EML6: variants seen among roughly 807,000 people sequenced by gnomAD.
EML6 encodes the protein EMAP like 6, also known as echinoderm microtubule-associated protein-like 6.
Under a neutral mutation model 240.1 loss-of-function variants are expected in EML6, and 154 were observed. The observed-to-expected ratio is 0.64, with a 90% confidence interval of 0.56 to 0.73. EML6 has a LOEUF of 0.73. Ranked by LOEUF, EML6 falls within the 30% of genes least tolerant of loss-of-function variation. The pLI, the probability that EML6 is intolerant of heterozygous loss-of-function variation, is 0.00. For synonymous variants in EML6, 1,148 were observed against 899.0 expected, an observed-to-expected ratio of 1.28 and a Z score of -4.95; for missense variants, 2,964 against 2,474.6, an observed-to-expected ratio of 1.20 and a Z score of -4.20.
At chr2:54,829,996 A>G (rs1668787792) in intron 7 of EML6, among the ~76,000 whole-genome samples, 1 of 152,208 alleles carries the variant, frequency 6.6e-6, no homozygotes, top group Non-Finnish European at 1.5e-5. Context: ...CATCTATAAA[A>G]TGGAGATAAT....
intron 2 of EML6, among the ~76,000 whole-genome samples, chr2:54,745,133 A>T (rs1016803767): frequency 3.3e-5 from 5 of 152,196 alleles, no homozygotes; most frequent in African/African-American, 1.2e-4. Flanking sequence ...GAGGTCTAGG[A>T]AGACTGTCCT....
intron 7 of EML6, among the ~76,000 whole-genome samples, chr2:54,832,845 C>G (rs60914665): frequency 0.023 from 3,540 of 151,954 alleles, 135 homozygotes; most frequent in African/African-American, 0.074. Context: ...GGAACAGATT[C>G]AGGCAGAGCA....
At chr2:54,918,784 C>T (rs560080328) in intron 26 of EML6, among the ~76,000 whole-genome samples, 15 of 152,206 alleles carry the variant, frequency 9.9e-5, no homozygotes, top group Non-Finnish European at 2.2e-4. Context: ...TGCCTAAAGA[C>T]AAGTGGATAG....
chr2:54,875,537 T>C (rs1004682553), intron 16 of EML6, among the ~76,000 whole-genome samples: 2 of 152,204 alleles, frequency 1.3e-5, no homozygotes, highest in Non-Finnish European at 2.9e-5. Flanking sequence ...CCTGGAAATA[T>C]AAAGCAGGCA....
At chr2:54,861,608 C>T (rs537840431) in intron 12 of EML6, among the ~76,000 whole-genome samples, 17 of 152,204 alleles carry the variant, frequency 1.1e-4, no homozygotes, top group African/African-American at 4.1e-4. Flanking sequence ...TCTTGCGGTA[C>T]CAACAGGACA....
rs60901075 is a variant in EML6 at position 54,911,263 on chromosome 2, A to G, written c.3498+221A>G. 5.3e-3 allele frequency among the ~76,000 whole-genome samples: 810 copies of G among 152,322 alleles called. 8 individuals carry two copies. The highest frequency in any genetic ancestry group is 0.018 in the African/African-American group (764 of 41,582). On this transcript the variant is annotated intron_variant, in intron 25 of 41. Transcript: ENST00000356458. ...GCAATGTACAGTTGGTGCTCTGCTTAATTTTTCTCTGCCTGAAGACAATGA... is the reference window on the plus strand; with the variant it reads ...GCAATGTACAGTTGGTGCTCTGCTTGATTTTTCTCTGCCTGAAGACAATGA...
chr2:54,859,537 C>A lies in EML6; in HGVS notation c.1661C>A (p.Ala554Asp). 1 of 1,547,976 alleles carries A rather than the reference C, an allele frequency of 6.5e-7. No homozygotes were observed. The highest frequency in any genetic ancestry group is 8.7e-7 in the Non-Finnish European group (1 of 1,146,016). The change falls in exon 12 of 42, where the codon GCC becomes GAC. Residue 554 changes from alanine (A) to aspartate (D), a missense_variant. By Grantham distance (126) the Ala-to-Asp change is moderately radical (BLOSUM62 -2). Coordinates refer to ENST00000356458, the MANE Select transcript of EML6 (RefSeq NM_001039753.4). ...LFKFPCLKRG[A>D]KFRKYVGHSA... ...CTCTCAAAAAATATTCTTTCAGGAG[C>A]CAAATTTAGAAAGTATGTGGGCCAT...
At chr2:54,960,136 C>T (rs1343681246) in intron 34 of EML6, 84 bp from the exon 35 acceptor site, 4 of 1,026,804 alleles carry the variant, frequency 3.9e-6, no homozygotes, top group South Asian at 1.4e-5. Context: ...ACCCTGATGA[C>T]TGGGAAAGAG....
At position 54,970,184 on chromosome 2, in the gene EML6, G is replaced by C. The variant is rs781020022; in HGVS notation, c.*89G>C. 6 of 1,286,462 alleles carry C rather than the reference G, an allele frequency of 4.7e-6. No homozygotes were observed. The East Asian group carries it at 1.5e-4, about 32-fold the overall frequency. The allele number at this position is 1,286,462 out of a possible 1,614,324, so 79.7% of individuals were successfully genotyped here. On this transcript the variant is annotated 3_prime_UTR_variant, in exon 42 of 42. Coordinates refer to ENST00000356458, the MANE Select transcript of EML6 (RefSeq NM_001039753.4). ...CTGAGGTGCCTCCTTGCCACCAGCC[G>C]TTGGGAAATGCCTACCATGCTGCCC...
intron 28 of EML6, among the ~76,000 whole-genome samples, chr2:54,937,001 C>G (rs894362102): frequency 7.0e-6 from 1 of 142,520 alleles, no homozygotes; most frequent in African/African-American, 2.6e-5. Flanking sequence ...AAGTCTGGGC[C>G]GGGCACAGTG....
chr2:54,801,217 G>A (rs1284800840), intron 2 of EML6, among the ~76,000 whole-genome samples: 1 of 151,954 alleles, frequency 6.6e-6, no homozygotes, highest in African/African-American at 2.4e-5. Context: ...ATCCTCGGGA[G>A]GCTGGGGCAG....
At chr2:54,851,811 C>G (rs1670105776) in intron 10 of EML6, among the ~76,000 whole-genome samples, 1 of 152,180 alleles carries the variant, frequency 6.6e-6, no homozygotes, top group Non-Finnish European at 1.5e-5. Flanking sequence ...GTGCCTTGCA[C>G]ACACAATTCT....
At chr2:54,878,448 G>A (rs527258029) in intron 16 of EML6, among the ~76,000 whole-genome samples, 1 of 152,212 alleles carries the variant, frequency 6.6e-6, no homozygotes, top group Non-Finnish European at 1.5e-5. Flanking sequence ...AGATGGTTCT[G>A]TGTTGAATCT....
intron 5 of EML6, among the ~76,000 whole-genome samples, chr2:54,823,443 A>T (rs938404204): frequency 3.2e-4 from 39 of 121,126 alleles, no homozygotes; most frequent in Admixed American, 2.8e-4. Flanking sequence ...TCATCACCAA[A>T]GAACCTATTC....
chr2:54,804,762 A>G (rs894493537), intron 2 of EML6, among the ~76,000 whole-genome samples: 2 of 152,188 alleles, frequency 1.3e-5, no homozygotes, highest in African/African-American at 2.4e-5. Flanking sequence ...TCAAAGGAAC[A>G]CTTCTAATTT....
At chr2:54,871,130 T>G (rs1671234784) in intron 15 of EML6, among the ~76,000 whole-genome samples, 2 of 152,186 alleles carry the variant, frequency 1.3e-5, no homozygotes, top group African/African-American at 2.4e-5. Flanking sequence ...GATAGCGTCA[T>G]GACAATGTAC....
In EML6 at chr2:54,910,986, G is replaced by A. The variant is rs761628241; in HGVS notation, c.3442G>A (p.Glu1148Lys). Residue 1148 changes from glutamate (E) to lysine (K), a missense_variant, in exon 25 of 42, where the codon GAA becomes AAA. By Grantham distance (56) the Glu-to-Lys change is moderately conservative. Coordinates refer to ENST00000356458, the MANE Select transcript of EML6 (RefSeq NM_001039753.4). ...KLLQVNSGAREQLFFEAPRGK... is the reference protein window; with the variant it reads ...KLLQVNSGARKQLFFEAPRGK... ...ATTGCAAGTGAATTCAGGTGCCAGAGAACAACTTTTTTTTGAAGCTCCAAG... is the reference window on the plus strand; with the variant it reads ...ATTGCAAGTGAATTCAGGTGCCAGAAAACAACTTTTTTTTGAAGCTCCAAG... 7 of 1,538,308 alleles carry A rather than the reference G, an allele frequency of 4.6e-6. No individual in the cohort carries two copies. Among genetic ancestry groups the A allele is most frequent in the Non-Finnish European group, 6.2e-6 (7 of 1,137,572 alleles).
chr2:54,865,808 C>T (rs1216392978), intron 13 of EML6, among the ~76,000 whole-genome samples: 2 of 152,178 alleles, frequency 1.3e-5, no homozygotes, highest in African/African-American at 4.8e-5. Context: ...TTTACATTCA[C>T]AATATTCCTG....
At position 54,903,374 on chromosome 2, in the gene EML6, C is replaced by G. The variant is rs375823350; in HGVS notation, c.3281C>G (p.Thr1094Arg). ...MISDIKFSKD[T>R]GKYLAVASHD... ...AACCCCACATTTTTCTTAACAGATA[C>G]GGGAAAATACCTTGCCGTGGCATCC... Residue 1094 changes from threonine to arginine, a missense_variant, in exon 24 of 42, where the codon ACG becomes AGG. Transcript: ENST00000356458. The G allele has an allele frequency of 1.3e-6, 2 of 1,550,954 alleles. No individual in the cohort carries two copies. Among genetic ancestry groups the G allele is most frequent in the African/African-American group, 2.7e-5 (2 of 73,082 alleles).
Sources: gnomAD v4.1 joint callset for allele counts (sites outside exome capture counted in the v4.1 genomes callset) on GRCh38, gnomAD v4.1.1 for gene constraint, MANE v1.5 for transcripts, NCBI Gene and HGNC (gene_info 2026-07-23, HGNC 2026-07-21) for gene names.